Variants in SAMD4A observed in about 807,000 individuals in gnomAD.
SAMD4A encodes the protein protein Smaug homolog 1.
A neutral mutation model predicts 81.3 loss-of-function variants in SAMD4A; 33 were observed. The observed-to-expected ratio is 0.41, with a 90% CI of 0.31 to 0.54. The LOEUF is 0.54. Ranked by LOEUF, SAMD4A falls within the 20% of genes least tolerant of loss-of-function variation. The probability of loss-of-function intolerance (pLI) is 0.37; values close to 1 mark genes in which losing one functional copy is unlikely to be tolerated. For missense variants in SAMD4A, 854 were observed against 951.1 expected (o/e 0.90, Z 1.34); for synonymous variants, 389 against 382.1 (o/e 1.02, Z -0.21).
At chr14:54,781,009 A>G (rs1208368679) in intron 11 of SAMD4A, among the ~76,000 whole-genome samples, 1 of 151,072 alleles carries the variant, frequency 6.6e-6, no homozygotes, top group Admixed American at 6.6e-5. Context: ...TTCTTTACTC[A>G]TCTCATCACA....
chr14:54,647,445 G>C (rs900556612), intron 2 of SAMD4A, among the ~76,000 whole-genome samples: 1 of 152,206 alleles, frequency 6.6e-6, no homozygotes, highest in Non-Finnish European at 1.5e-5. Flanking sequence ...TCCCCACTAT[G>C]TTATCACCCT....
At position 54,702,442 on chromosome 14, in the gene SAMD4A, T is replaced by G. The variant is rs753318265; in HGVS notation, c.577T>G (p.Ser193Ala). 1 of 1,614,128 alleles carries G rather than the reference T, an allele frequency of 6.2e-7. No homozygotes were observed. The highest frequency in any genetic ancestry group is 1.1e-5 in the South Asian group (1 of 91,078). ...SDDKLNGWQNSRDSGICINAS... is the reference protein window; with the variant it reads ...SDDKLNGWQNARDSGICINAS... The stretch of plus-strand genomic sequence containing the variant: ...TGACAAGCTCAATGGGTGGCAGAAC[T>G]CTCGGGATTCTGGGATTTGCATCAA... The change falls in exon 3 of 13, where the codon TCT becomes GCT. Residue 193 changes from serine to alanine, a missense_variant. By Grantham distance (99) the Ser-to-Ala change is moderately conservative. This residue lies in a region of SAMD4A where 387 missense variants were observed against 405.8 expected (regional missense o/e 0.95). Coordinates refer to ENST00000554335, the MANE Select transcript of SAMD4A (RefSeq NM_015589.6).
chr14:54,697,528 T>C (rs1046289804), intron 2 of SAMD4A, among the ~76,000 whole-genome samples: 2 of 152,060 alleles, frequency 1.3e-5, no homozygotes, highest in African/African-American at 4.8e-5. Flanking sequence ...GTTTTGTGAG[T>C]GGATAATCAG....
chr14:54,778,058 C>T (rs1594934957), intron 11 of SAMD4A, among the ~76,000 whole-genome samples: 1 of 152,192 alleles, frequency 6.6e-6, no homozygotes. Context: ...GTCCTGCGCA[C>T]AAGGAGATCT....
chr14:54,595,220 A>G (rs955589868), intron 2 of SAMD4A, among the ~76,000 whole-genome samples: 3 of 152,114 alleles, frequency 2.0e-5, no homozygotes, highest in Non-Finnish European at 4.4e-5. Context: ...TTCACTCTAC[A>G]GACTGTCTTA....
At chr14:54,616,908 C>T (rs1244720132) in intron 2 of SAMD4A, among the ~76,000 whole-genome samples, 1 of 152,120 alleles carries the variant, frequency 6.6e-6, no homozygotes, top group African/African-American at 2.4e-5. Context: ...CCTTTAATTA[C>T]AAAATAAGAA....
At chr14:54,781,292 C>T (rs528623208) in intron 11 of SAMD4A, among the ~76,000 whole-genome samples, 1 of 152,346 alleles carries the variant, frequency 6.6e-6, no homozygotes, top group African/African-American at 2.4e-5. Context: ...ACATGTGAGA[C>T]CCAGCAGGGA....
At chr14:54,784,038 G>C (rs1369685481) in intron 11 of SAMD4A, among the ~76,000 whole-genome samples, 3 of 152,304 alleles carry the variant, frequency 2.0e-5, no homozygotes. Flanking sequence ...GCTCATACAA[G>C]GAACAAAGTC....
chr14:54,638,374 C>G (rs1248505387), intron 2 of SAMD4A, among the ~76,000 whole-genome samples: 1 of 152,190 alleles, frequency 6.6e-6, no homozygotes, highest in Non-Finnish European at 1.5e-5. Context: ...ATACAAATCC[C>G]TGCGTGCATT....
intron 4 of SAMD4A, among the ~76,000 whole-genome samples, chr14:54,738,537 G>A (rs1490593138): frequency 6.6e-6 from 1 of 152,184 alleles, no homozygotes; most frequent in African/African-American, 2.4e-5. Context: ...GGTCTTTAAA[G>A]GTATATAACA....
At chr14:54,682,310 T>C (rs1215772791) in intron 2 of SAMD4A, among the ~76,000 whole-genome samples, 1 of 152,146 alleles carries the variant, frequency 6.6e-6, no homozygotes, top group African/African-American at 2.4e-5. Context: ...CCATTTTCAC[T>C]CCTCTGAGGC....
Position 54,567,160 on chromosome 14 carries a change from G to C in SAMD4A, c.-600G>C, listed in dbSNP as rs1057079796. On this transcript the variant is annotated 5_prime_UTR_variant, in exon 1 of 13. Coordinates refer to ENST00000554335, the MANE Select transcript of SAMD4A (RefSeq NM_015589.6). Reference sequence around the variant, plus strand: ...CATTGCAAGTTTTCTGCGCGGGGAAGATCTGTTGCTGGTGCTGGCGTTCTT... The same window carrying C: ...CATTGCAAGTTTTCTGCGCGGGGAACATCTGTTGCTGGTGCTGGCGTTCTT... The C allele has an allele frequency of 6.6e-6, 1 of 152,304 alleles. No homozygotes were observed. Among genetic ancestry groups the C allele is most frequent in the African/African-American group, 2.4e-5 (1 of 41,468 alleles). The allele number at this position is 152,304 out of a possible 1,614,324, so 9.4% of individuals were successfully genotyped here. A position where few individuals can be genotyped will look rare whatever the true frequency, so the allele number is the denominator to read the frequency against.
chr14:54,747,782 T>G (rs2038003760), intron 4 of SAMD4A, among the ~76,000 whole-genome samples: 1 of 152,222 alleles, frequency 6.6e-6, no homozygotes, highest in African/African-American at 2.4e-5. Context: ...ACACACTTGC[T>G]CTGTGATCTA....
chr14:54,652,747 A>G (rs552372431), intron 2 of SAMD4A: 4 of 151,972 alleles, frequency 2.6e-5, no homozygotes, highest in African/African-American at 4.8e-5. Context: ...AAATGGTACT[A>G]TATTGTTCCC....
intron 2 of SAMD4A, among the ~76,000 whole-genome samples, chr14:54,663,356 C>T (rs574103250): frequency 1.4e-4 from 22 of 152,224 alleles, no homozygotes; most frequent in South Asian, 6.2e-4. Context: ...AATGATAGAC[C>T]GCGGTCTAAA....
At chr14:54,674,523 C>G (rs2035949545) in intron 2 of SAMD4A, among the ~76,000 whole-genome samples, 1 of 151,666 alleles carries the variant, frequency 6.6e-6, no homozygotes, top group Admixed American at 6.6e-5. Context: ...GGTGTAGATA[C>G]TGGTGTAGAT....
At chr14:54,603,838 A>T (rs2034128143) in intron 2 of SAMD4A, among the ~76,000 whole-genome samples, 1 of 148,400 alleles carries the variant, frequency 6.7e-6, no homozygotes, top group Non-Finnish European at 1.5e-5. Context: ...TTATTTATTT[A>T]TTTTGAGATG....
At chr14:54,694,618 T>C in intron 2 of SAMD4A, 4 of 985,586 alleles carry the variant, frequency 4.1e-6, no homozygotes, top group Non-Finnish European at 4.8e-6. Context: ...GTTGTCTGCA[T>C]ACTCATGGGC....
chr14:54,751,217 C>G (rs1594895480), intron 5 of SAMD4A, among the ~76,000 whole-genome samples: 2 of 152,278 alleles, frequency 1.3e-5, no homozygotes, highest in East Asian at 3.9e-4. Flanking sequence ...GATGGCGCCA[C>G]TGTACTCTAG....
Sources: allele counts gnomAD v4.1 joint callset (sites outside exome capture counted in the v4.1 genomes callset), GRCh38; gene constraint gnomAD v4.1.1; regional missense constraint gnomAD v4.1.1; transcripts MANE v1.5; gene names NCBI Gene and HGNC (gene_info 2026-07-23, HGNC 2026-07-21).